The following SLC8A1 variants were observed in gnomAD, a reference collection of about 807,000 sequenced individuals.
The protein encoded by SLC8A1 is solute carrier family 8 member A1, also known as sodium/calcium exchanger 1.
A neutral mutation model predicts 68.3 loss-of-function variants in SLC8A1; 18 were observed. The ratio of observed to expected loss-of-function variants is 0.26; its 90% CI spans 0.18 to 0.39. The LOEUF (loss-of-function observed/expected upper bound fraction) is 0.39. Ranked by LOEUF, SLC8A1 falls within the 10% of genes least tolerant of loss-of-function variation. The pLI is 1.00. For missense variants in SLC8A1, 985 were observed against 1,156.7 expected, an observed-to-expected ratio of 0.85 and a Z score of 2.15; for synonymous variants, 475 against 415.5, an observed-to-expected ratio of 1.14 and a Z score of -1.74.
At position 40,170,198 on chromosome 2, in the gene SLC8A1, G is replaced by A. The variant is rs559466530; in HGVS notation, c.1930+4627C>T. 2.0e-5 allele frequency: 24 copies of A among 1,215,632 alleles called. No individual in the cohort carries two copies. In the East Asian group the frequency reaches 5.4e-4, roughly 27 times the overall value. The allele number at this position is 1,215,632 out of a possible 1,614,324, so 75.3% of individuals were successfully genotyped here. A position where few individuals can be genotyped will look rare whatever the true frequency, so the allele number is the denominator to read the frequency against. ...TAGCAATGTTTTACAGAGGAGAGGG[G>A]CTAAAATGCATGACTGTAATGTCTC... is the stretch of plus-strand genomic sequence containing the variant. On this transcript the variant is annotated intron_variant, in intron 4 of 7. Coordinates refer to ENST00000406785, the Ensembl canonical transcript of SLC8A1.
chr2:40,169,591 A>C (rs1260114232), intron 4 of SLC8A1, among the ~76,000 whole-genome samples: 2 of 152,118 alleles, frequency 1.3e-5, no homozygotes, highest in Non-Finnish European at 2.9e-5. Flanking sequence ...GGCTAACATC[A>C]TGTTGCCTGG....
rs555457660 is a variant in SLC8A1, at chr2:40,254,182, A to G, written c.1809-76327T>C. 2.0e-4 allele frequency among the ~76,000 whole-genome samples: 30 copies of G among 152,142 alleles called. No individual in the cohort carries two copies. The South Asian group carries it at 6.0e-3, about 30-fold the overall frequency. On this transcript the variant is annotated intron_variant, in intron 2 of 7. Coordinates refer to ENST00000406785, the Ensembl canonical transcript of SLC8A1. ...ATCATTATGTCAACAAAAAATTAAT[A>G]TAAAAAAAGAAAATAAAAGCTAATT...
chr2:40,348,290 G>A (rs1285429711), intron 2 of SLC8A1, among the ~76,000 whole-genome samples: 1 of 152,138 alleles, frequency 6.6e-6, no homozygotes, highest in Non-Finnish European at 1.5e-5. Context: ...AAAATGAGGG[G>A]TTGGCTTAGC....
At chr2:40,201,986 G>T (rs1287470793) in intron 2 of SLC8A1, among the ~76,000 whole-genome samples, 2 of 151,962 alleles carry the variant, frequency 1.3e-5, no homozygotes, top group African/African-American at 4.8e-5. Context: ...ATATATAAAA[G>T]CATGTGTATA....
At chr2:40,337,634 A>C (rs1279304930) in intron 2 of SLC8A1, among the ~76,000 whole-genome samples, 3 of 152,034 alleles carry the variant, frequency 2.0e-5, no homozygotes, top group Non-Finnish European at 4.4e-5. Flanking sequence ...CTTTAACCAC[A>C]ATCTCCTAAA....
chr2:40,430,101 A>C (rs761710337), exon 2 of SLC8A1: 11 of 1,613,792 alleles, frequency 6.8e-6, no homozygotes, highest in Non-Finnish European at 9.3e-6. Flanking sequence ...AAATGGGCAA[A>C]ATCACCCCTT....
intron 2 of SLC8A1, among the ~76,000 whole-genome samples, chr2:40,322,556 G>A (rs1303403746): frequency 6.7e-6 from 1 of 148,954 alleles, no homozygotes. Flanking sequence ...CACACCTTTA[G>A]TACCAGCAAG....
chr2:40,235,343 G>A (rs993769926), intron 2 of SLC8A1, among the ~76,000 whole-genome samples: 96 of 151,996 alleles, frequency 6.3e-4, no homozygotes, highest in African/African-American at 2.0e-3. Flanking sequence ...TGTATGTGTC[G>A]AGGAATTTAT....
chr2:40,489,683 C>T (rs1000818728), intron 1 of SLC8A1, among the ~76,000 whole-genome samples: 1 of 151,956 alleles, frequency 6.6e-6, no homozygotes, highest in African/African-American at 2.4e-5. Flanking sequence ...AAAGAACAGG[C>T]CCACTCAGCT....
At chr2:40,141,596 G>C (rs186407297) in intron 6 of SLC8A1, among the ~76,000 whole-genome samples, 1 of 152,144 alleles carries the variant, frequency 6.6e-6, no homozygotes, top group East Asian at 1.9e-4. Flanking sequence ...ATTGCTGACC[G>C]TTTGCTCTGC....
At chr2:40,253,553 C>T (rs879634181) in intron 2 of SLC8A1, among the ~76,000 whole-genome samples, 39 of 151,954 alleles carry the variant, frequency 2.6e-4, no homozygotes, top group Middle Eastern at 3.2e-3. Context: ...GGGCCTGGCG[C>T]GGTGGCTCAT....
At chr2:40,372,451 C>T (rs1262586956) in intron 2 of SLC8A1, among the ~76,000 whole-genome samples, 1 of 152,130 alleles carries the variant, frequency 6.6e-6, no homozygotes, top group Non-Finnish European at 1.5e-5. Context: ...TGGGAAATCT[C>T]ACTGTCATGC....
intron 2 of SLC8A1, among the ~76,000 whole-genome samples, chr2:40,190,199 A>G (rs1488144933): frequency 4.6e-5 from 7 of 152,178 alleles, no homozygotes; most frequent in African/African-American, 1.7e-4. Context: ...GTTTGTCATC[A>G]AAATAGCATT....
intron 1 of SLC8A1, among the ~76,000 whole-genome samples, chr2:40,510,175 C>G (rs1183966779): frequency 1.3e-5 from 2 of 152,052 alleles, no homozygotes; most frequent in African/African-American, 4.8e-5. Context: ...CTGCCAACAC[C>G]TTCAATTTTC....
chr2:40,452,152 G>C (rs1235101478), upstream of SLC8A1: 1 of 106 alleles, frequency 9.4e-3, no homozygotes. Flanking sequence ...GGGAGGGCCG[G>C]GGCCCGGGCG....
chr2:40,375,126 C>T (rs567376328), intron 2 of SLC8A1, among the ~76,000 whole-genome samples: 1 of 151,972 alleles, frequency 6.6e-6, no homozygotes, highest in Non-Finnish European at 1.5e-5. Context: ...GTGTTTGCAG[C>T]TGATGGTGGT....
chr2:40,193,153 A>C (rs1177078645), intron 2 of SLC8A1, among the ~76,000 whole-genome samples: 1 of 152,116 alleles, frequency 6.6e-6, no homozygotes, highest in Non-Finnish European at 1.5e-5. Flanking sequence ...AGATAAAAAG[A>C]TAGGGTTCTT....
At chr2:40,201,774 T>C (rs2054412912) in intron 2 of SLC8A1, among the ~76,000 whole-genome samples, 1 of 151,888 alleles carries the variant, frequency 6.6e-6, no homozygotes, top group African/African-American at 2.4e-5. Context: ...GAGTTCTTGG[T>C]CCCCAAACTT....
chr2:40,311,644 A>G (rs973980393), intron 2 of SLC8A1, among the ~76,000 whole-genome samples: 5 of 152,084 alleles, frequency 3.3e-5, no homozygotes, highest in African/African-American at 1.2e-4. Context: ...AGTATTGACA[A>G]TTGTATCCCC....
Sources: gnomAD v4.1 joint callset for allele counts (sites outside exome capture counted in the v4.1 genomes callset) on GRCh38, gnomAD v4.1.1 for gene constraint, MANE v1.5 for transcripts, NCBI Gene and HGNC (gene_info 2026-07-23, HGNC 2026-07-21) for gene names.